Variants in ELMO1 observed in about 807,000 individuals in gnomAD.
The protein encoded by ELMO1 is engulfment and cell motility 1.
A neutral mutation model predicts 98.9 loss-of-function variants in ELMO1; 26 were observed. The observed-to-expected ratio is 0.26, with a 90% CI of 0.19 to 0.36. The LOEUF is 0.36. Among genes scored for constraint, ELMO1 ranks in the 10% least tolerant of loss-of-function variants. The pLI, the probability that ELMO1 is intolerant of heterozygous loss-of-function variation, is 1.00. For missense variants in ELMO1, 627 were observed against 935.2 expected, an observed-to-expected ratio of 0.67 and a Z score of 4.30; for synonymous variants, 346 against 346.0, an observed-to-expected ratio of 1.00 and a Z score of 0.00.
At chr7:37,296,813 C>A (rs1198353351) in intron 4 of ELMO1, among the ~76,000 whole-genome samples, 1 of 152,296 alleles carries the variant, frequency 6.6e-6, no homozygotes, top group East Asian at 1.9e-4. Context: ...ATCTCAACTC[C>A]TTTCTTATAA....
intron 13 of ELMO1, among the ~76,000 whole-genome samples, chr7:37,134,459 G>A (rs1787132428): frequency 6.6e-6 from 1 of 151,640 alleles, no homozygotes; most frequent in African/African-American, 2.4e-5. Flanking sequence ...CTCGAGAGGT[G>A]GAGGCAGGAG....
intron 16 of ELMO1, among the ~76,000 whole-genome samples, chr7:36,902,541 A>G (rs1037226213): frequency 1.3e-5 from 2 of 152,254 alleles, no homozygotes; most frequent in Non-Finnish European, 2.9e-5. Flanking sequence ...AACGAAGTTA[A>G]GTGCCATGAG....
chr7:37,275,560 T>A (rs1282232465), intron 4 of ELMO1, among the ~76,000 whole-genome samples: 14 of 152,114 alleles, frequency 9.2e-5, no homozygotes, highest in Non-Finnish European at 1.8e-4. Context: ...AATGCACTGT[T>A]AGAGGTGAAT....
In ELMO1 at chr7:37,066,475, C is replaced by A. The variant is rs556661381; in HGVS notation, c.1300+30144G>T. Among the ~76,000 whole-genome samples, 9 of 152,334 alleles carry A rather than the reference C, an allele frequency of 5.9e-5. No homozygotes were observed. In the South Asian group the frequency reaches 1.0e-3, roughly 18 times the overall value. ...CTGGGTTGTCCCTTGGTACCCAGTACCCAGGCCTTCTGGGGTCATTCTCCA... is the reference window on the plus strand; with the variant it reads ...CTGGGTTGTCCCTTGGTACCCAGTAACCAGGCCTTCTGGGGTCATTCTCCA... On this transcript the variant is annotated intron_variant, in intron 15 of 21. Transcript: ENST00000310758.
chr7:37,282,737 G>A (rs1355402575), intron 4 of ELMO1, among the ~76,000 whole-genome samples: 1 of 152,160 alleles, frequency 6.6e-6, no homozygotes, highest in East Asian at 1.9e-4. Context: ...AGCCTTGCAG[G>A]GGCTGCTCAC....
chr7:37,091,850 G>T (rs1447950039), intron 15 of ELMO1, among the ~76,000 whole-genome samples: 1 of 152,106 alleles, frequency 6.6e-6, no homozygotes, highest in African/African-American at 2.4e-5. Context: ...AGCAAAAGGG[G>T]TTTCCCCTTA....
At chr7:37,340,672 T>G (rs143394239) in intron 2 of ELMO1, among the ~76,000 whole-genome samples, 3 of 152,196 alleles carry the variant, frequency 2.0e-5, no homozygotes, top group African/African-American at 7.2e-5. Flanking sequence ...AGGGTATAAA[T>G]GTAAGCATAT....
intron 1 of ELMO1, among the ~76,000 whole-genome samples, chr7:37,425,828 G>C (rs1023383966): frequency 4.6e-5 from 7 of 152,198 alleles, no homozygotes; most frequent in Non-Finnish European, 1.0e-4. Flanking sequence ...TTCTCCAACT[G>C]TAATACGCTG....
At chr7:36,933,130 G>A (rs771018745) in intron 16 of ELMO1, among the ~76,000 whole-genome samples, 1 of 152,148 alleles carries the variant, frequency 6.6e-6, no homozygotes, top group Non-Finnish European at 1.5e-5. Flanking sequence ...CTCAGAGCAC[G>A]TGGGGCTAGA....
At chr7:37,155,503 A>AATAAAT (rs1554427527) in intron 13 of ELMO1, among the ~76,000 whole-genome samples, 1 of 131,738 alleles carries the variant, frequency 7.6e-6, no homozygotes, top group Non-Finnish European at 1.6e-5. Flanking sequence ...AAAAAAAAAA[A>AATAAAT]AAAAAGCAGG....
At chr7:37,032,488 C>T (rs932282333) in intron 15 of ELMO1, among the ~76,000 whole-genome samples, 1 of 152,204 alleles carries the variant, frequency 6.6e-6, no homozygotes, top group Non-Finnish European at 1.5e-5. Context: ...CATAAAGATA[C>T]TTCGCAATGT....
chr7:37,412,706 A>T (rs999557041), intron 1 of ELMO1, among the ~76,000 whole-genome samples: 4 of 152,198 alleles, frequency 2.6e-5, no homozygotes, highest in Admixed American at 6.5e-5. Flanking sequence ...TAACATGCAG[A>T]GTGTGTGGGA....
chr7:37,200,647 A>G (rs528108683), intron 13 of ELMO1, among the ~76,000 whole-genome samples: 182 of 152,114 alleles, frequency 1.2e-3, no homozygotes, highest in Middle Eastern at 3.4e-3. Flanking sequence ...TAGGCCACCC[A>G]CTTTCGCTTC....
At chr7:37,207,817 C>T (rs749678771) in intron 13 of ELMO1, among the ~76,000 whole-genome samples, 6 of 152,042 alleles carry the variant, frequency 3.9e-5, no homozygotes, top group Non-Finnish European at 7.4e-5. Context: ...TGGTGGGCAC[C>T]CGACAAGAGC....
At chr7:37,304,725 A>G (rs553476135) in intron 4 of ELMO1, among the ~76,000 whole-genome samples, 2 of 152,186 alleles carry the variant, frequency 1.3e-5, no homozygotes, top group African/African-American at 2.4e-5. Context: ...CCAAAAAAAT[A>G]GAAAGAAAAG....
chr7:37,075,321 T>C (rs959551809), intron 15 of ELMO1, among the ~76,000 whole-genome samples: 1 of 151,260 alleles, frequency 6.6e-6, no homozygotes. Context: ...TAATTTTTTT[T>C]TTTTTTTGTA....
intron 16 of ELMO1, among the ~76,000 whole-genome samples, chr7:36,946,223 G>T (rs757352225): frequency 1.3e-5 from 2 of 152,240 alleles, no homozygotes; most frequent in African/African-American, 4.8e-5. Flanking sequence ...ATATTTACCT[G>T]TCGGGGCTGT....
chr7:36,933,339 G>A (rs1157054129), intron 16 of ELMO1, among the ~76,000 whole-genome samples: 2 of 152,164 alleles, frequency 1.3e-5, no homozygotes, highest in Non-Finnish European at 2.9e-5. Context: ...GGAAGAACTA[G>A]TCGCTTTATC....
intron 2 of ELMO1, among the ~76,000 whole-genome samples, chr7:37,322,488 G>A (rs1250754278): frequency 6.6e-6 from 1 of 151,900 alleles, no homozygotes; most frequent in Non-Finnish European, 1.5e-5. Flanking sequence ...ATGGTGGTGG[G>A]GACCTATACT....
Sources: gnomAD v4.1 joint callset for allele counts (sites outside exome capture counted in the v4.1 genomes callset) on GRCh38, gnomAD v4.1.1 for gene constraint, MANE v1.5 for transcripts, NCBI Gene and HGNC (gene_info 2026-07-23, HGNC 2026-07-21) for gene names.